SLC38A9: variants seen among roughly 807,000 people sequenced by gnomAD.
The protein encoded by SLC38A9 is neutral amino acid transporter 9.
A neutral mutation model predicts 62.3 loss-of-function variants in SLC38A9; 48 were observed. The ratio of observed to expected loss-of-function variants is 0.77; its 90% CI spans 0.61 to 0.98. SLC38A9 has a LOEUF of 0.98. Among genes scored for constraint, SLC38A9 ranks in the 50% least tolerant of loss-of-function variants. The probability of loss-of-function intolerance (pLI) is 0.00; values close to 1 mark genes in which losing one functional copy is unlikely to be tolerated. For missense variants in SLC38A9, 541 were observed against 679.8 expected, an observed-to-expected ratio of 0.80 and a Z score of 2.27; for synonymous variants, 204 against 227.7, an observed-to-expected ratio of 0.90 and a Z score of 0.94.
In SLC38A9 at chr5:55,652,357, CAAAAAAA is replaced by C. The variant is rs60557392; in HGVS notation, c.952+165_952+171del. ...GGGCAACAACAGTGAAACTCCGTCT[CAAAAAAA>C]AAAAAAAAAAAAAGAAAGAAAGAAA... is the stretch of plus-strand genomic sequence containing the variant. On this transcript the variant is annotated intron_variant, in intron 10 of 15. Coordinates refer to ENST00000396865, the MANE Select transcript of SLC38A9 (RefSeq NM_173514.4). Among the ~76,000 whole-genome samples the C allele has an allele frequency of 3.9e-3, 221 of 56,190 alleles. 1 individual carries two copies. The highest frequency in any genetic ancestry group is 6.0e-3 in the Non-Finnish European group (187 of 31,080). 36.9% of individuals were successfully genotyped at this position (56,190 alleles called of 152,430 possible).
At chr5:55,677,562 G>T (rs2150395857) in intron 3 of SLC38A9, among the ~76,000 whole-genome samples, 1 of 152,148 alleles carries the variant, frequency 6.6e-6, no homozygotes, top group South Asian at 2.1e-4. Flanking sequence ...TTTGAGATAG[G>T]GTTCCATTGT....
rs1580076668 is a variant in SLC38A9 at position 55,633,682 on chromosome 5, A to G, written c.1430+72T>C. 1.9e-6 allele frequency: 3 copies of G among 1,603,712 alleles called. No homozygotes were observed. The East Asian group carries it at 6.7e-5, about 36-fold the overall frequency. ...TTTTTATAGCAAAAGGATCAGTCACACTTTAAACTGACCTGCTTGCACAGT... is the reference window on the plus strand; with the variant it reads ...TTTTTATAGCAAAAGGATCAGTCACGCTTTAAACTGACCTGCTTGCACAGT... On this transcript the variant is annotated intron_variant, in intron 14 of 15. Coordinates refer to ENST00000396865, the MANE Select transcript of SLC38A9 (RefSeq NM_173514.4).
At chr5:55,649,150 A>G in intron 11 of SLC38A9, 57 bp downstream of exon 11, 1 of 945,972 alleles carries the variant, frequency 1.1e-6, no homozygotes. Flanking sequence ...TTAGAATAGC[A>G]TATGACAATG....
intron 9 of SLC38A9, among the ~76,000 whole-genome samples, chr5:55,656,451 C>T (rs1331928697): frequency 6.6e-6 from 1 of 151,774 alleles, no homozygotes; most frequent in Non-Finnish European, 1.5e-5. Context: ...AATATGGATA[C>T]TGTAGATAAA....
chr5:55,628,608 T>C (rs1742884807), intron 14 of SLC38A9, among the ~76,000 whole-genome samples: 1 of 152,232 alleles, frequency 6.6e-6, no homozygotes, highest in South Asian at 2.1e-4. Flanking sequence ...AGTGTTCAAA[T>C]TACTTTTATA....
chr5:55,653,275 T>C (rs775909800), intron 9 of SLC38A9, among the ~76,000 whole-genome samples: 6 of 152,170 alleles, frequency 3.9e-5, no homozygotes, highest in Non-Finnish European at 8.8e-5. Context: ...CCCTGAGATA[T>C]TATCTTTAAA....
chr5:55,700,222 T>C (rs2408206), intron 2 of SLC38A9, among the ~76,000 whole-genome samples: 90,901 of 151,522 alleles, frequency 0.6, 27,838 homozygotes, highest in South Asian at 0.7. Flanking sequence ...GCGCCTGTAA[T>C]TCCAGCTTCT....
chr5:55,699,443 A>G (rs7713058), intron 2 of SLC38A9, among the ~76,000 whole-genome samples: 91,171 of 151,984 alleles, frequency 0.6, 27,917 homozygotes, highest in South Asian at 0.7. Flanking sequence ...TCTTTCCTGT[A>G]AAGATACACC....
intron 4 of SLC38A9, among the ~76,000 whole-genome samples, chr5:55,670,666 A>G (rs577515490): frequency 1.3e-5 from 2 of 152,342 alleles, no homozygotes; most frequent in East Asian, 3.9e-4. Flanking sequence ...TTTGGTGCAC[A>G]TGCTGACTCT....
In SLC38A9 at chr5:55,635,639, C is replaced by T. The variant is rs764045623; in HGVS notation, c.1186G>A (p.Ala396Thr). 1.2e-6 allele frequency: 2 copies of T among 1,613,464 alleles called. No homozygotes were observed. The highest frequency in any genetic ancestry group is 1.7e-6 in the Non-Finnish European group (2 of 1,179,514). ...QENNVRDLCI[A>T]YMLVTLTYLY... Reference sequence around the variant, plus strand: ...TAAGTTAATGTCACCAGCATATAAGCAATGCACAAGTCCCTCACCTGTAAA... The same window carrying T: ...TAAGTTAATGTCACCAGCATATAAGTAATGCACAAGTCCCTCACCTGTAAA... The change falls in exon 13 of 16, where the codon GCT (alanine) becomes ACT (threonine). Residue 396 changes from alanine to threonine, a missense_variant. Transcript: ENST00000396865.
chr5:55,663,705 C>T (rs1443775059), intron 8 of SLC38A9, among the ~76,000 whole-genome samples: 1 of 152,048 alleles, frequency 6.6e-6, no homozygotes, highest in South Asian at 2.1e-4. Context: ...AGCACTCCAG[C>T]CTGGGTGACA....
chr5:55,686,308 TA>T (rs1753812507), intron 3 of SLC38A9, among the ~76,000 whole-genome samples: 1 of 152,240 alleles, frequency 6.6e-6, no homozygotes, highest in African/African-American at 2.4e-5. Context: ...AACTTTTTAA[TA>T]ATAACCATTC....
intron 2 of SLC38A9, among the ~76,000 whole-genome samples, chr5:55,702,026 A>G (rs141417811): frequency 6.0e-4 from 92 of 152,222 alleles, no homozygotes; most frequent in African/African-American, 2.1e-3. Context: ...TATTGTTGCC[A>G]TATTTGTTTA....
chr5:55,683,718 T>C (rs987198527), intron 3 of SLC38A9, among the ~76,000 whole-genome samples: 3 of 152,228 alleles, frequency 2.0e-5, no homozygotes, highest in Non-Finnish European at 4.4e-5. Context: ...ATATTCTGTA[T>C]GTAGCTACAG....
intron 2 of SLC38A9, among the ~76,000 whole-genome samples, chr5:55,705,579 G>A (rs931418265): frequency 6.6e-6 from 1 of 152,156 alleles, no homozygotes; most frequent in Admixed American, 6.5e-5. Flanking sequence ...GTTATTTCCA[G>A]TATACTCTGA....
At chr5:55,702,447 C>T (rs984643716) in intron 2 of SLC38A9, among the ~76,000 whole-genome samples, 2 of 151,480 alleles carry the variant, frequency 1.3e-5, no homozygotes, top group East Asian at 1.9e-4. Context: ...TTGGTAGAGA[C>T]GGAGTTTCAC....
At chr5:55,634,122 A>C (rs1341138673) in intron 13 of SLC38A9, 1 of 368,484 alleles carries the variant, frequency 2.7e-6, no homozygotes. Context: ...CATTGCCACA[A>C]TTTTATTCTA....
intron 14 of SLC38A9, among the ~76,000 whole-genome samples, chr5:55,630,288 A>G (rs1743199624): frequency 6.6e-6 from 1 of 152,158 alleles, no homozygotes; most frequent in South Asian, 2.1e-4. Context: ...AGAGTTTTGC[A>G]AATGTAAATT....
intron 3 of SLC38A9, among the ~76,000 whole-genome samples, chr5:55,676,899 G>C (rs567972967): frequency 1.2e-3 from 175 of 151,954 alleles, no homozygotes; most frequent in African/African-American, 4.1e-3. Context: ...TAAATGTTTA[G>C]AAATGTTTCC....
Sources: allele counts gnomAD v4.1 joint callset (sites outside exome capture counted in the v4.1 genomes callset), GRCh38; gene constraint gnomAD v4.1.1; transcripts MANE v1.5; gene names NCBI Gene and HGNC (gene_info 2026-07-23, HGNC 2026-07-21).